Variants in VPS54 observed in about 807,000 individuals in gnomAD.
VPS54 encodes vacuolar protein sorting-associated protein 54.
Under a neutral mutation model 121.5 loss-of-function variants are expected in VPS54, and 45 were observed. The observed-to-expected ratio is 0.37, with a 90% CI of 0.29 to 0.47. The LOEUF (loss-of-function observed/expected upper bound fraction) is 0.47, where lower values mean the gene tolerates loss of function less well. VPS54 is among the 20% of genes least tolerant of loss of function. The pLI, the probability that VPS54 is intolerant of heterozygous loss-of-function variation, is 0.99. For synonymous variants in VPS54, 371 were observed against 385.8 expected (o/e 0.96, Z 0.45); for missense variants, 1,090 against 1,131.4 (o/e 0.96, Z 0.52).
intron 7 of VPS54, among the ~76,000 whole-genome samples, chr2:63,957,964 C>T (rs1400118281): frequency 6.6e-6 from 1 of 151,690 alleles, no homozygotes; most frequent in Non-Finnish European, 1.5e-5. Context: ...TTTTATTATG[C>T]AGCCAGGATT....
rs762477848 is a variant in VPS54, at chr2:63,919,896, T to G, written c.2151A>C (p.Glu717Asp). 1.2e-6 allele frequency: 2 copies of G among 1,610,004 alleles called. No homozygotes were observed. The highest frequency in any genetic ancestry group is 2.2e-5 in the South Asian group (2 of 90,436). ...GAATACACATACCTCCTGATTTTTT[T>G]TCAGGTAAAGCAATCTTCCCATCTG... ...SLSDGKIALPEKKSGATEERK... is the reference protein window; with the variant it reads ...SLSDGKIALPDKKSGATEERK... Residue 717 changes from glutamate to aspartate, a missense_variant, in exon 15 of 23, where the codon GAA becomes GAC. Glu to Asp is a conservative substitution (Grantham distance 45). Transcript: ENST00000272322.
chr2:64,002,927 A>C (rs1404310055), intron 1 of VPS54, among the ~76,000 whole-genome samples: 1 of 152,222 alleles, frequency 6.6e-6, no homozygotes, highest in East Asian at 1.9e-4. Flanking sequence ...TACAGTAAGA[A>C]CCAAACTTTG....
At chr2:63,996,397 T>A (rs1193160498) in intron 1 of VPS54, among the ~76,000 whole-genome samples, 4 of 152,180 alleles carry the variant, frequency 2.6e-5, no homozygotes, top group Admixed American at 2.6e-4. Context: ...AAGCTGAGGA[T>A]GTATGTCACC....
At chr2:63,928,338 A>G (rs575464008) in intron 12 of VPS54, among the ~76,000 whole-genome samples, 251 of 152,348 alleles carry the variant, frequency 1.6e-3, no homozygotes, top group Middle Eastern at 3.4e-3. Context: ...TAGAAGCCAG[A>G]AGAGAGTGGG....
rs756670663 is a variant in VPS54, at chr2:63,981,650, G to A, written c.374C>T (p.Ser125Phe). ...EHFTVYQQEI[S>F]QREKIHERCK... The stretch of plus-strand genomic sequence containing the variant: ...CTAGCCAAGATTAGATATTACCTGA[G>A]AGATTTCCTGTTGATATACTGTAAA... The change falls in exon 3 of 23, where the codon TCT becomes TTT. Residue 125 changes from serine (S) to phenylalanine (F), a missense_variant. By Grantham distance (155) the Ser-to-Phe change is radical. Around this residue, in one of 2 missense-constraint regions of VPS54, gnomAD observed 801 missense variants for 757.0 expected, o/e 1.06. Coordinates refer to ENST00000272322, the MANE Select transcript of VPS54 (RefSeq NM_016516.3). The A allele has an allele frequency of 1.3e-6, 2 of 1,577,794 alleles. No homozygotes were observed. Among genetic ancestry groups the A allele is most frequent in the South Asian group, 2.4e-5 (2 of 84,418 alleles).
intron 12 of VPS54, among the ~76,000 whole-genome samples, chr2:63,922,366 A>C (rs946221789): frequency 6.6e-6 from 1 of 152,222 alleles, no homozygotes; most frequent in Non-Finnish European, 1.5e-5. Context: ...GATACTACAA[A>C]GAGGCTCTGG....
intron 7 of VPS54, among the ~76,000 whole-genome samples, chr2:63,952,429 T>TA (rs1170616140): frequency 2.0e-5 from 3 of 152,154 alleles, no homozygotes; most frequent in Non-Finnish European, 4.4e-5. Flanking sequence ...CATTAAAATT[T>TA]AAAAAACATT....
At chr2:63,903,005 C>CAT (rs1672752428) in intron 20 of VPS54, among the ~76,000 whole-genome samples, 1 of 92,568 alleles carries the variant, frequency 1.1e-5, no homozygotes, top group Non-Finnish European at 2.6e-5. Context: ...TAACATAACA[C>CAT]AACATAACAT....
chr2:63,936,886 C>T (rs943588468), intron 11 of VPS54, among the ~76,000 whole-genome samples: 5 of 152,086 alleles, frequency 3.3e-5, no homozygotes, highest in Admixed American at 2.0e-4. Context: ...GTGGCAAGAC[C>T]ATTCAATGCA....
intron 1 of VPS54, among the ~76,000 whole-genome samples, chr2:63,987,988 C>T (rs547337264): frequency 5.3e-5 from 8 of 152,276 alleles, no homozygotes; most frequent in Non-Finnish European, 7.4e-5. Context: ...TGACTCCTTC[C>T]TTTCCAATTT....
chr2:64,016,024 G>A (rs1000274628), intron 1 of VPS54, among the ~76,000 whole-genome samples: 3 of 152,138 alleles, frequency 2.0e-5, no homozygotes, highest in East Asian at 1.9e-4. Flanking sequence ...ACATGGCCAC[G>A]CTGTGGTTCT....
At position 63,942,480 on chromosome 2, in the gene VPS54, G is replaced by T. The variant is rs1674788276; in HGVS notation, c.1383C>A (p.Phe461Leu). The T allele has an allele frequency of 1.9e-6, 3 of 1,590,994 alleles. No individual in the cohort carries two copies. The highest frequency in any genetic ancestry group is 2.6e-6 in the Non-Finnish European group (3 of 1,167,652). ...LKDIFSKFTI[F>L]LQRVKATLNI... ...ATAAGCTTACCTTCACTCTCTGTAG[G>T]AAAATTGTAAACTTAGAGAAAATAT... Residue 461 changes from phenylalanine to leucine, a missense_variant, in exon 11 of 23, where the codon TTC (phenylalanine) becomes TTA (leucine). Around this residue, in one of 2 missense-constraint regions of VPS54, gnomAD observed 801 missense variants for 757.0 expected, o/e 1.06. Coordinates refer to ENST00000272322, the MANE Select transcript of VPS54 (RefSeq NM_016516.3).
At chr2:63,997,960 T>A (rs1486630635) in intron 1 of VPS54, among the ~76,000 whole-genome samples, 5 of 152,190 alleles carry the variant, frequency 3.3e-5, no homozygotes, top group African/African-American at 1.2e-4. Context: ...TTCAGGAACA[T>A]ATTATGTAAT....
At chr2:63,938,054 TGTGTG>T (rs1233349240) in intron 11 of VPS54, among the ~76,000 whole-genome samples, 4 of 83,972 alleles carry the variant, frequency 4.8e-5, no homozygotes, top group African/African-American at 1.7e-4. Context: ...GTGTGTGGTG[TGTGTG>T]GTGTGTGTGT....
chr2:64,010,484 C>T (rs371136998), intron 1 of VPS54, among the ~76,000 whole-genome samples: 68 of 152,186 alleles, frequency 4.5e-4, no homozygotes, highest in African/African-American at 1.6e-3. Flanking sequence ...CTTTCTCCAC[C>T]ACCTTTTCTT....
At chr2:64,011,271 T>C (rs1474542296) in intron 1 of VPS54, among the ~76,000 whole-genome samples, 1 of 152,070 alleles carries the variant, frequency 6.6e-6, no homozygotes, top group African/African-American at 2.4e-5. Flanking sequence ...ATAGCAGCCA[T>C]TAAAATTAAG....
chr2:63,962,657 A>T (rs1559024464), intron 6 of VPS54, among the ~76,000 whole-genome samples: 1 of 152,166 alleles, frequency 6.6e-6, no homozygotes, highest in Non-Finnish European at 1.5e-5. Context: ...AAAGAGTACA[A>T]GGTCATTTAC....
At chr2:63,985,359 T>A (rs1284969029) in intron 1 of VPS54, among the ~76,000 whole-genome samples, 2 of 152,054 alleles carry the variant, frequency 1.3e-5, no homozygotes, top group Non-Finnish European at 2.9e-5. Context: ...AGCAGAGATA[T>A]GAGGCAAGAA....
At chr2:63,982,843 C>T (rs1676861386) in intron 2 of VPS54, among the ~76,000 whole-genome samples, 1 of 152,176 alleles carries the variant, frequency 6.6e-6, no homozygotes, top group Non-Finnish European at 1.5e-5. Context: ...AACAAAAAGG[C>T]AGAGCTTTGT....
Sources: gnomAD v4.1 joint callset for allele counts (sites outside exome capture counted in the v4.1 genomes callset) on GRCh38, gnomAD v4.1.1 for gene constraint, gnomAD v4.1.1 regional missense constraint, MANE v1.5 for transcripts, NCBI Gene and HGNC (gene_info 2026-07-23, HGNC 2026-07-21) for gene names.